Variants in LRBA observed in about 807,000 individuals in gnomAD.
LRBA encodes the protein LPS responsive beige-like anchor protein, also known as lipopolysaccharide-responsive and beige-like anchor protein.
Under a neutral mutation model 330.0 loss-of-function variants are expected in LRBA, and 176 were observed. The ratio of observed to expected loss-of-function variants is 0.53; its 90% confidence interval spans 0.47 to 0.60. The LOEUF is 0.60. Ranked by LOEUF, LRBA falls within the 20% of genes least tolerant of loss-of-function variation. LRBA has a pLI of 0.00. For missense variants in LRBA, 3,259 were observed against 3,444.8 expected (o/e 0.95, Z 1.35); for synonymous variants, 1,230 against 1,193.0 (o/e 1.03, Z -0.64).
chr4:150,843,073 C>T lies in LRBA; in HGVS notation c.4569+1027G>A, dbSNP rs1158193914. ...TGCTCCTGCCCATCTGACCAGGAGGCGGAGCTTGGCTTCACTCCTCACCCT... is the reference window on the plus strand; with the variant it reads ...TGCTCCTGCCCATCTGACCAGGAGGTGGAGCTTGGCTTCACTCCTCACCCT... On this transcript the variant is annotated intron_variant, in intron 28 of 56. Coordinates refer to ENST00000651943, the MANE Select transcript of LRBA (RefSeq NM_001364905.1). Among the ~76,000 whole-genome samples, 4 of 152,226 alleles carry T rather than the reference C, an allele frequency of 2.6e-5. No homozygotes were observed. The East Asian group carries it at 5.8e-4, about 22-fold the overall frequency.
At chr4:150,335,377 C>CA (rs2126985250) in intron 48 of LRBA, among the ~76,000 whole-genome samples, 1 of 148,760 alleles carries the variant, frequency 6.7e-6, no homozygotes, top group Non-Finnish European at 1.5e-5. Context: ...CTTATTTCAG[C>CA]AAAAAATATA....
chr4:150,895,553 A>C (rs568145038), intron 16 of LRBA, among the ~76,000 whole-genome samples: 1 of 151,960 alleles, frequency 6.6e-6, no homozygotes, highest in African/African-American at 2.4e-5. Context: ...TTGTCCTTGC[A>C]ATAGTTTGCT....
chr4:150,516,595 A>G (rs553227355), intron 40 of LRBA, among the ~76,000 whole-genome samples: 4 of 152,102 alleles, frequency 2.6e-5, no homozygotes, highest in African/African-American at 9.6e-5. Context: ...AAAATGGATA[A>G]AGAATATAAA....
At chr4:150,366,463 T>C (rs1001371596) in intron 47 of LRBA, among the ~76,000 whole-genome samples, 3 of 152,170 alleles carry the variant, frequency 2.0e-5, no homozygotes, top group African/African-American at 7.2e-5. Context: ...TTTAAATTTT[T>C]CTTAAATATG....
chr4:151,012,916 G>A (rs1260443283), intron 2 of LRBA: 4 of 149,466 alleles, frequency 2.7e-5, no homozygotes, highest in African/African-American at 9.9e-5. Flanking sequence ...GTACAAGCAA[G>A]CGCATCCAGC....
At chr4:150,574,954 G>A (rs370682201) in intron 40 of LRBA, among the ~76,000 whole-genome samples, 1 of 151,930 alleles carries the variant, frequency 6.6e-6, no homozygotes, top group African/African-American at 2.4e-5. Context: ...ATAGCTACAG[G>A]TCAAAGATTT....
chr4:150,481,693 A>G (rs2152082802), intron 42 of LRBA, among the ~76,000 whole-genome samples: 1 of 152,164 alleles, frequency 6.6e-6, no homozygotes, highest in African/African-American at 2.4e-5. Flanking sequence ...CGTAATGTTT[A>G]ATTTCTTTCA....
intron 36 of LRBA, among the ~76,000 whole-genome samples, chr4:150,711,254 GAGAA>G (rs1354924947): frequency 3.2e-5 from 4 of 125,988 alleles, no homozygotes; most frequent in African/African-American, 1.2e-4. Flanking sequence ...TTTTTTTTTT[GAGAA>G]AGAGTCTCAC....
intron 4 of LRBA, among the ~76,000 whole-genome samples, chr4:150,924,282 T>A (rs1312568407): frequency 6.6e-6 from 1 of 151,910 alleles, no homozygotes; most frequent in African/African-American, 2.4e-5. Flanking sequence ...GAGGCCAAGG[T>A]GGAGGGATCG....
chr4:150,740,938 C>G (rs954069779), intron 35 of LRBA, among the ~76,000 whole-genome samples: 16 of 152,018 alleles, frequency 1.1e-4, no homozygotes, highest in Admixed American at 6.6e-5. Flanking sequence ...AAAAACTGGT[C>G]TTAGATCAAT....
chr4:150,522,807 C>T (rs1763062521), intron 40 of LRBA, among the ~76,000 whole-genome samples: 1 of 152,194 alleles, frequency 6.6e-6, no homozygotes, highest in African/African-American at 2.4e-5. Context: ...GACTTCTCCA[C>T]CTAGATTTTA....
chr4:150,424,731 GA>G (rs1749329707), intron 46 of LRBA, among the ~76,000 whole-genome samples: 1 of 152,178 alleles, frequency 6.6e-6, no homozygotes. Context: ...AGAGTACCTG[GA>G]AAAAGCCCAC....
At chr4:150,348,745 T>C (rs1736747139) in intron 48 of LRBA, among the ~76,000 whole-genome samples, 1 of 152,138 alleles carries the variant, frequency 6.6e-6, no homozygotes, top group Admixed American at 6.6e-5. Context: ...AGTATTACGT[T>C]CAAATATTGC....
intron 53 of LRBA, among the ~76,000 whole-genome samples, chr4:150,299,631 T>TTAGATATGGAA (rs1729396584): frequency 6.6e-6 from 1 of 151,972 alleles, no homozygotes; most frequent in East Asian, 1.9e-4. Flanking sequence ...ACTTTACATA[T>TTAGATATGGAA]AACATCAATA....
At chr4:150,417,352 C>T (rs1475006658) in intron 46 of LRBA, among the ~76,000 whole-genome samples, 1 of 151,570 alleles carries the variant, frequency 6.6e-6, no homozygotes. Flanking sequence ...AATTAATTTC[C>T]AGCTTTGACA....
At chr4:150,274,837 C>T (rs900102290) in intron 56 of LRBA, among the ~76,000 whole-genome samples, 1 of 152,130 alleles carries the variant, frequency 6.6e-6, no homozygotes, top group African/African-American at 2.4e-5. Flanking sequence ...GATTCACAGC[C>T]AATTTCTACC....
intron 17 of LRBA, among the ~76,000 whole-genome samples, chr4:150,883,035 C>G (rs1728571204): frequency 6.6e-6 from 1 of 152,224 alleles, no homozygotes; most frequent in South Asian, 2.1e-4. Context: ...CCTATATTAT[C>G]TGTCACCAAT....
intron 28 of LRBA, among the ~76,000 whole-genome samples, chr4:150,835,390 T>A (rs1747874431): frequency 6.6e-6 from 1 of 152,212 alleles, no homozygotes; most frequent in South Asian, 2.1e-4. Context: ...ATAAATTACC[T>A]TGGGCAGTAT....
At chr4:150,664,691 A>G (rs1646203871) in intron 37 of LRBA, among the ~76,000 whole-genome samples, 1 of 152,168 alleles carries the variant, frequency 6.6e-6, no homozygotes, top group Non-Finnish European at 1.5e-5. Context: ...CCAAAAAACT[A>G]CTAATTAAAA....
Sources: allele counts gnomAD v4.1 joint callset (sites outside exome capture counted in the v4.1 genomes callset), GRCh38; gene constraint gnomAD v4.1.1; transcripts MANE v1.5; gene names NCBI Gene and HGNC (gene_info 2026-07-23, HGNC 2026-07-21).